SORL1: variants seen among roughly 807,000 people sequenced by gnomAD.
SORL1 encodes the protein sortilin-related receptor.
In SORL1, 127 loss-of-function variants were observed where a neutral mutation model predicts 273.7. That is an observed-to-expected ratio of 0.46 (90% CI 0.40 to 0.54). The LOEUF (loss-of-function observed/expected upper bound fraction) is 0.54, where lower values mean the gene tolerates loss of function less well. Ranked by LOEUF, SORL1 falls within the 20% of genes least tolerant of loss-of-function variation. The pLI is 0.00. For missense variants in SORL1, 2,494 were observed against 2,846.1 expected (o/e 0.88, Z 2.81); for synonymous variants, 1,031 against 1,067.4 (o/e 0.97, Z 0.66).
chr11:121,523,431 G>C lies in SORL1; in HGVS notation c.1596+442G>C, dbSNP rs1287354161. ...AGTTGAGATGAAGCCTGTCCTTGCT[G>C]GGCTATGTTGTATAGGCACTTTCGT... On this transcript the variant is annotated intron_variant, in intron 11 of 47. Transcript: ENST00000260197. Among the ~76,000 whole-genome samples the C allele has an allele frequency of 3.3e-5, 5 of 152,154 alleles. No individual in the cohort carries two copies. In the East Asian group the frequency reaches 9.6e-4, roughly 29 times the overall value.
intron 25 of SORL1, among the ~76,000 whole-genome samples, chr11:121,583,029 G>A (rs1342222823): frequency 6.6e-6 from 1 of 152,180 alleles, no homozygotes; most frequent in Non-Finnish European, 1.5e-5. Context: ...TGAGTAAGAG[G>A]ACTTAGGTGA....
intron 19 of SORL1, 120 bp downstream of exon 19, chr11:121,557,525 A>G (rs1862609670): frequency 2.6e-6 from 2 of 770,882 alleles, no homozygotes; most frequent in Non-Finnish European, 4.4e-6. Context: ...GAAATGGTCT[A>G]TTAACTGAGA....
intron 6 of SORL1, among the ~76,000 whole-genome samples, chr11:121,504,149 C>T (rs1207659530): frequency 6.6e-6 from 1 of 152,212 alleles, no homozygotes; most frequent in African/African-American, 2.4e-5. Context: ...CGCGGTGGCT[C>T]ACGCCTGTAA....
intron 46 of SORL1, among the ~76,000 whole-genome samples, chr11:121,625,648 T>C (rs1007995838): frequency 2.0e-5 from 3 of 152,146 alleles, no homozygotes; most frequent in Non-Finnish European, 2.9e-5. Flanking sequence ...CATCTCCTTG[T>C]CATGGATTTT....
intron 16 of SORL1, among the ~76,000 whole-genome samples, chr11:121,553,560 T>C (rs1411259424): frequency 6.6e-6 from 1 of 152,226 alleles, no homozygotes; most frequent in Non-Finnish European, 1.5e-5. Context: ...GCTGTGGTGA[T>C]ACAGTCACGT....
At position 121,619,734 on chromosome 11, in the gene SORL1, G is replaced by C; in HGVS notation, c.5725-19G>C. 6.3e-7 allele frequency: 1 copy of C among 1,589,996 alleles called. No homozygotes were observed. Among genetic ancestry groups the C allele is most frequent in the Non-Finnish European group, 8.6e-7 (1 of 1,165,204 alleles). On this transcript the variant is annotated intron_variant, in intron 42 of 47. Transcript: ENST00000260197. The stretch of plus-strand genomic sequence containing the variant: ...GGCCATGATGTATTTTTTTTCCTAC[G>C]TGTGTGCTTGGGCTTCAGGTCCGTG...
At chr11:121,572,225 G>A (rs1232082391) in intron 23 of SORL1, among the ~76,000 whole-genome samples, 1 of 152,174 alleles carries the variant, frequency 6.6e-6, no homozygotes, top group Non-Finnish European at 1.5e-5. Context: ...TATTGGCTCC[G>A]AGTTTTGAGA....
chr11:121,580,940 G>A (rs1311498522), intron 25 of SORL1, among the ~76,000 whole-genome samples: 3 of 146,206 alleles, frequency 2.1e-5, no homozygotes, highest in African/African-American at 5.1e-5. Context: ...TTTTTGAGAC[G>A]GGGTCTCTGT....
intron 3 of SORL1, among the ~76,000 whole-genome samples, chr11:121,480,070 AG>A (rs1861348954): frequency 6.6e-6 from 1 of 152,178 alleles, no homozygotes; most frequent in South Asian, 2.1e-4. Context: ...ACCAGGGTCC[AG>A]CTCATAGCTG....
At chr11:121,461,931 A>G (rs183600216) in intron 1 of SORL1, among the ~76,000 whole-genome samples, 34 of 152,328 alleles carry the variant, frequency 2.2e-4, no homozygotes, top group Non-Finnish European at 3.5e-4. Context: ...TTATGAAATG[A>G]CATCCACAGG....
chr11:121,528,292 A>G (rs1325179878), intron 11 of SORL1, among the ~76,000 whole-genome samples: 2 of 152,014 alleles, frequency 1.3e-5, no homozygotes, highest in African/African-American at 2.4e-5. Context: ...ACCATAGCAA[A>G]ACTTTGTCTC....
intron 28 of SORL1, 82 bp downstream of exon 28, chr11:121,588,233 C>CT: frequency 2.6e-6 from 4 of 1,515,276 alleles, no homozygotes; most frequent in Non-Finnish European, 3.6e-6. Flanking sequence ...GGTTGTGTCT[C>CT]TATTTAATAA....
intron 38 of SORL1, chr11:121,609,729 G>T (rs1170559791): frequency 1.3e-5 from 2 of 152,186 alleles, no homozygotes; most frequent in East Asian, 3.8e-4. Flanking sequence ...GACGCGCCAG[G>T]TTAATTGGTG....
At chr11:121,566,901 G>T (rs1392142018) in intron 21 of SORL1, 39 bp from the exon 22 acceptor site, 1 of 1,586,020 alleles carries the variant, frequency 6.3e-7, no homozygotes, top group Admixed American at 1.8e-5. Flanking sequence ...CCCTCATGGT[G>T]TGTATTAACC....
chr11:121,527,186 A>G (rs1862136083), intron 11 of SORL1, among the ~76,000 whole-genome samples: 1 of 83,178 alleles, frequency 1.2e-5, no homozygotes, highest in Non-Finnish European at 2.6e-5. Context: ...TATTATCACT[A>G]GTTGTTGAGT....
intron 12 of SORL1, among the ~76,000 whole-genome samples, chr11:121,539,038 G>A (rs1000809013): frequency 6.6e-6 from 1 of 152,088 alleles, no homozygotes; most frequent in South Asian, 2.1e-4. Context: ...TGGCAGATTC[G>A]CCTTCCAGAT....
rs1445982876 is a variant in SORL1 at position 121,625,114 on chromosome 11, C to A, written c.6201C>A (p.Ala2067=). The A allele has an allele frequency of 5.0e-6, 8 of 1,612,898 alleles. No homozygotes were observed. The highest frequency in any genetic ancestry group is 6.8e-6 in the Non-Finnish European group (8 of 1,179,276). The change falls in exon 46 of 48, where the codon GCC becomes GCA. Residue 2067 remains alanine, a synonymous_variant. Coordinates refer to ENST00000260197, the MANE Select transcript of SORL1 (RefSeq NM_003105.6). ...RGYEIHMFDS[A]MNITAYLGNT... ...ATGAGATACACATGTTTGATAGTGC[C>A]ATGAATATCACAGCTTACCTTGGGA...
intron 9 of SORL1, among the ~76,000 whole-genome samples, chr11:121,521,375 A>G (rs890965755): frequency 6.6e-6 from 1 of 152,204 alleles, no homozygotes; most frequent in African/African-American, 2.4e-5. Context: ...AGTGTCTTCT[A>G]CAGCAGCTTG....
At chr11:121,514,087 T>A in intron 7 of SORL1, 65 bp from the exon 8 acceptor site, 1 of 1,522,738 alleles carries the variant, frequency 6.6e-7, no homozygotes, top group Non-Finnish European at 9.0e-7. Flanking sequence ...CTTCCGTGTG[T>A]ATAGTAAAAG....
Sources: allele counts gnomAD v4.1 joint callset (sites outside exome capture counted in the v4.1 genomes callset), GRCh38; gene constraint gnomAD v4.1.1; transcripts MANE v1.5; gene names NCBI Gene and HGNC (gene_info 2026-07-23, HGNC 2026-07-21).